Variants in CNTLN observed in about 807,000 individuals in gnomAD.
The protein encoded by CNTLN is centlein, also known as centlein, centrosomal protein.
CNTLN carries 212 observed loss-of-function variants against 180.0 expected under a neutral mutation model. That is an observed-to-expected ratio of 1.18 (90% CI 1.05 to 1.32). The LOEUF (loss-of-function observed/expected upper bound fraction) is 1.32. CNTLN is among the 40% of genes most tolerant of loss of function. The pLI, the probability that CNTLN is intolerant of heterozygous loss-of-function variation, is 0.00. For synonymous variants in CNTLN, 722 were observed against 563.1 expected, an observed-to-expected ratio of 1.28 and a Z score of -3.99; for missense variants, 2,095 against 1,610.9, an observed-to-expected ratio of 1.30 and a Z score of -5.14.
chr9:17,353,115 G>T (rs754887798), intron 12 of CNTLN, among the ~76,000 whole-genome samples: 22 of 151,842 alleles, frequency 1.4e-4, no homozygotes, highest in Non-Finnish European at 2.8e-4. Context: ...ATCTATGTTT[G>T]TTTTTTATTT....
chr9:17,520,142 C>G, the CNTLN span, among the ~76,000 whole-genome samples: 1 of 152,200 alleles, frequency 6.6e-6, no homozygotes, highest in East Asian at 1.9e-4. Flanking sequence ...CCATTTGCTT[C>G]ATTAATTACT....
Position 17,367,907 on chromosome 9 carries a change from C to T in CNTLN, c.1987+1190C>T, listed in dbSNP as rs375859145. The stretch of plus-strand genomic sequence containing the variant: ...TGAGATGTGCTGGATTCAGGTGAAA[C>T]CCAGGGCATCCCCAGCTGTGGTGGC... On this transcript the variant is annotated intron_variant, in intron 13 of 25. Coordinates refer to ENST00000380647, the MANE Select transcript of CNTLN (RefSeq NM_017738.4). Among the ~76,000 whole-genome samples the T allele has an allele frequency of 2.0e-5, 3 of 151,580 alleles. No individual in the cohort carries two copies. The East Asian group carries it at 5.9e-4, about 30-fold the overall frequency.
chr9:17,164,302 ACT>A (rs1401895458), intron 2 of CNTLN, among the ~76,000 whole-genome samples: 1 of 131,300 alleles, frequency 7.6e-6, no homozygotes, highest in Non-Finnish European at 1.6e-5. Context: ...GCAGAGTGAG[ACT>A]CTGTCTCAAA....
At chr9:17,361,741 G>A (rs1823407496) in intron 12 of CNTLN, among the ~76,000 whole-genome samples, 1 of 152,182 alleles carries the variant, frequency 6.6e-6, no homozygotes, top group African/African-American at 2.4e-5. Flanking sequence ...AGTGCTTTCA[G>A]GCAGAAATCG....
chr9:17,191,834 A>G (rs535221615), intron 2 of CNTLN, among the ~76,000 whole-genome samples: 7 of 152,344 alleles, frequency 4.6e-5, no homozygotes, highest in African/African-American at 1.4e-4. Flanking sequence ...AAAGAAAAAC[A>G]TGAATTTTAT....
At chr9:17,507,875 C>G (rs192605565), downstream of CNTLN, among the ~76,000 whole-genome samples, 5 of 152,286 alleles carry the variant, frequency 3.3e-5, no homozygotes, top group East Asian at 9.7e-4. Context: ...GACATCAGCT[C>G]CTTCCAACAC....
At chr9:17,348,629 C>A (rs1822114238) in intron 12 of CNTLN, among the ~76,000 whole-genome samples, 1 of 151,236 alleles carries the variant, frequency 6.6e-6, no homozygotes, top group African/African-American at 2.4e-5. Context: ...CTCCTGGGTT[C>A]AAGTAAATCT....
At position 17,481,878 on chromosome 9, in the gene CNTLN, ACTGC is replaced by A. The variant is rs1832666992; in HGVS notation, c.3856-2410_3856-2407del. Among the ~76,000 whole-genome samples, 5 of 152,346 alleles carry A rather than the reference ACTGC, an allele frequency of 3.3e-5. No homozygotes were observed. In the South Asian group the frequency reaches 1.0e-3, roughly 32 times the overall value. The stretch of plus-strand genomic sequence containing the variant: ...CCAGCTAGAGAACCTGACAGCAAGT[ACTGC>A]CTGCCTACCCATGGATGTTGTCTGC... On this transcript the variant is annotated intron_variant, in intron 23 of 25. Transcript: ENST00000380647.
intron 5 of CNTLN, 61 bp from the exon 6 acceptor site, chr9:17,273,672 A>G: frequency 3.7e-6 from 3 of 805,596 alleles, no homozygotes; most frequent in Non-Finnish European, 5.5e-6. Flanking sequence ...AATATAACAG[A>G]TGTTTTGTTA....
intron 18 of CNTLN, among the ~76,000 whole-genome samples, chr9:17,430,484 T>G (rs1829352817): frequency 6.6e-6 from 1 of 152,096 alleles, no homozygotes; most frequent in African/African-American, 2.4e-5. Flanking sequence ...GCATACAATG[T>G]GAATTGTATG....
intron 18 of CNTLN, among the ~76,000 whole-genome samples, chr9:17,435,050 A>G (rs1829679605): frequency 6.6e-6 from 1 of 152,214 alleles, no homozygotes; most frequent in Non-Finnish European, 1.5e-5. Flanking sequence ...CTCCAAAAAC[A>G]AGTTATTAAG....
At position 17,466,126 on chromosome 9, in the gene CNTLN, T is replaced by C. The variant is rs772849319; in HGVS notation, c.3669+8T>C. Reference sequence around the variant, plus strand: ...GAGGAGTTAGAAAAAAAGGTATGCTTTTAAAAAGGGCATTTTAGATTACAG... The same window carrying C: ...GAGGAGTTAGAAAAAAAGGTATGCTCTTAAAAAGGGCATTTTAGATTACAG... On this transcript the variant is annotated splice_region_variant and intron_variant, in intron 22 of 25. Coordinates refer to ENST00000380647, the MANE Select transcript of CNTLN (RefSeq NM_017738.4). The C allele has an allele frequency of 1.6e-4, 253 of 1,593,268 alleles. No homozygotes were observed. Among genetic ancestry groups the C allele is most frequent in the Non-Finnish European group, 2.1e-4 (246 of 1,166,754 alleles).
At chr9:17,466,508 T>A (rs541199145) in intron 22 of CNTLN, among the ~76,000 whole-genome samples, 198 bp from the exon 23 acceptor site, 1 of 151,496 alleles carries the variant, frequency 6.6e-6, no homozygotes, top group African/African-American at 2.4e-5. Flanking sequence ...AATCATAAAC[T>A]AATTTAGATG....
intron 8 of CNTLN, 104 bp downstream of exon 8, chr9:17,309,356 A>T: frequency 1.1e-6 from 1 of 903,572 alleles, no homozygotes; most frequent in Non-Finnish European, 1.6e-6. Context: ...CATTTATTGG[A>T]GTATAAGAAG....
At chr9:17,368,882 G>A (rs1824067222) in intron 13 of CNTLN, among the ~76,000 whole-genome samples, 1 of 152,162 alleles carries the variant, frequency 6.6e-6, no homozygotes, top group Admixed American at 6.5e-5. Context: ...CAATCCTACT[G>A]CCTTAGCATC....
At chr9:17,527,660 G>C in the CNTLN span, among the ~76,000 whole-genome samples, 2 of 152,160 alleles carry the variant, frequency 1.3e-5, no homozygotes, top group Non-Finnish European at 2.9e-5. Context: ...AGCTGAGACA[G>C]CCTGGAGGTA....
At chr9:17,191,011 G>C (rs78717344) in intron 2 of CNTLN, among the ~76,000 whole-genome samples, 2,140 of 152,180 alleles carry the variant, frequency 0.014, 84 homozygotes, top group East Asian at 0.13. Context: ...ATTTTTTCAT[G>C]ATGCCTCAAG....
intron 25 of CNTLN, among the ~76,000 whole-genome samples, chr9:17,487,479 T>C (rs570120561): frequency 2.6e-5 from 4 of 152,262 alleles, no homozygotes; most frequent in African/African-American, 9.6e-5. Flanking sequence ...CAATTCATGT[T>C]TTCCTCACAG....
chr9:17,344,783 CA>C (rs1821749268), intron 12 of CNTLN, among the ~76,000 whole-genome samples: 1 of 152,034 alleles, frequency 6.6e-6, no homozygotes, highest in Non-Finnish European at 1.5e-5. Flanking sequence ...GTTTAATGTG[CA>C]ATTTTATGAG....
Sources: gnomAD v4.1 joint callset for allele counts (sites outside exome capture counted in the v4.1 genomes callset) on GRCh38, gnomAD v4.1.1 for gene constraint, MANE v1.5 for transcripts, NCBI Gene and HGNC (gene_info 2026-07-23, HGNC 2026-07-21) for gene names.